Variants in SESN1 observed in about 807,000 individuals in gnomAD.
SESN1 encodes the protein sestrin-1.
A neutral mutation model predicts 59.3 loss-of-function variants in SESN1; 30 were observed. The observed-to-expected ratio is 0.51, with a 90% CI of 0.38 to 0.69. The LOEUF is 0.69. Ranked by LOEUF, SESN1 falls within the 30% of genes least tolerant of loss-of-function variation. SESN1 has a pLI of 0.00. For synonymous variants in SESN1, 197 were observed against 219.9 expected (o/e 0.90, Z 0.92); for missense variants, 566 against 673.0 (o/e 0.84, Z 1.76).
chr6:109,025,343 G>A (rs1411287839), intron 1 of SESN1, among the ~76,000 whole-genome samples: 1 of 151,768 alleles, frequency 6.6e-6, no homozygotes, highest in Non-Finnish European at 1.5e-5. Context: ...TTAGTATAAA[G>A]TGGGCTGGTT....
intron 1 of SESN1, among the ~76,000 whole-genome samples, chr6:109,080,410 A>G (rs896093460): frequency 3.3e-5 from 5 of 152,184 alleles, no homozygotes; most frequent in South Asian, 4.1e-4. Flanking sequence ...TTTATACACC[A>G]TATTTCCAGG....
intron 1 of SESN1, among the ~76,000 whole-genome samples, chr6:109,020,852 G>C (rs949940784): frequency 6.6e-6 from 1 of 152,110 alleles, no homozygotes. Context: ...TATTTTCTGT[G>C]ACTATCATCA....
In SESN1 at chr6:109,001,640, A is replaced by C. The variant is rs1779627875; in HGVS notation, c.346-152T>G. ...ACAAATTTAAACTCAACTGGTTGAA[A>C]GATACAGAAGAATAAACAGTTACAT... On this transcript the variant is annotated intron_variant, in intron 2 of 9. Transcript: ENST00000436639. The C allele has an allele frequency of 3.0e-5, 20 of 676,444 alleles. No individual in the cohort carries two copies. In the South Asian group the frequency reaches 3.9e-4, roughly 13 times the overall value. 41.9% of individuals were successfully genotyped at this position (676,444 alleles called of 1,614,324 possible).
chr6:109,032,429 C>T (rs1780195584), intron 1 of SESN1, among the ~76,000 whole-genome samples: 2 of 151,982 alleles, frequency 1.3e-5, no homozygotes, highest in Non-Finnish European at 2.9e-5. Flanking sequence ...CCAGCCTGGC[C>T]AACATAGTGA....
At chr6:109,026,996 C>G (rs1157923303) in intron 1 of SESN1, among the ~76,000 whole-genome samples, 5 of 151,876 alleles carry the variant, frequency 3.3e-5, no homozygotes, top group East Asian at 3.9e-4. Flanking sequence ...ACAGTGAAAC[C>G]CTGTCTCTAC....
chr6:109,018,509 A>C (rs1660673577), intron 1 of SESN1, among the ~76,000 whole-genome samples: 1 of 152,232 alleles, frequency 6.6e-6, no homozygotes, highest in Admixed American at 6.5e-5. Context: ...GGAGAGGCTC[A>C]GGCACATTTG....
At chr6:109,049,459 G>A (rs897855706) in intron 1 of SESN1, among the ~76,000 whole-genome samples, 5 of 152,136 alleles carry the variant, frequency 3.3e-5, no homozygotes, top group African/African-American at 9.6e-5. Context: ...ATAAGTTCTA[G>A]TGTTCCATAG....
intron 1 of SESN1, among the ~76,000 whole-genome samples, chr6:109,046,185 A>T (rs1583285307): frequency 6.9e-6 from 1 of 145,908 alleles, no homozygotes; most frequent in Admixed American, 6.8e-5. Context: ...GCTCACTGCA[A>T]CCTCCCTGCC....
chr6:109,062,642 C>A (rs1033566109), intron 1 of SESN1, among the ~76,000 whole-genome samples: 1 of 152,180 alleles, frequency 6.6e-6, no homozygotes, highest in Non-Finnish European at 1.5e-5. Flanking sequence ...TGTATTAAAA[C>A]ATGAATTCAT....
chr6:109,050,184 G>A (rs1231785998), intron 1 of SESN1, among the ~76,000 whole-genome samples: 2 of 152,080 alleles, frequency 1.3e-5, no homozygotes, highest in African/African-American at 4.8e-5. Context: ...ATGGAAGGGA[G>A]GAACTTCAAA....
At chr6:109,039,106 A>G (rs184423021) in intron 1 of SESN1, among the ~76,000 whole-genome samples, 2 of 148,426 alleles carry the variant, frequency 1.3e-5, no homozygotes, top group Admixed American at 6.7e-5. Context: ...GAGGGAGGAG[A>G]AGGAGAAGGA....
At chr6:109,033,626 T>C (rs1020911871) in intron 1 of SESN1, among the ~76,000 whole-genome samples, 7 of 152,150 alleles carry the variant, frequency 4.6e-5, no homozygotes, top group Non-Finnish European at 8.8e-5. Context: ...CAGCACATTA[T>C]TTTATCTCCT....
Position 109,001,316 on chromosome 6 carries a change from A to AAC in SESN1, c.517_518insGT (p.Leu173ArgfsTer10). ...TATTCCAATGTAGTGACGATAATGT[A>AAC]GGGGTAACGGCCCATCCATTTGCAG... is the stretch of plus-strand genomic sequence containing the variant. On this transcript the variant is annotated frameshift_variant, in exon 3 of 10. Coordinates refer to ENST00000436639, the MANE Select transcript of SESN1 (RefSeq NM_014454.3). LOFTEE classifies it high-confidence loss of function. 1 of 1,613,774 alleles carries AAC rather than the reference A, an allele frequency of 6.2e-7. No individual in the cohort carries two copies. Among genetic ancestry groups the AAC allele is most frequent in the Non-Finnish European group, 8.5e-7 (1 of 1,179,708 alleles).
chr6:109,010,104 A>G (rs531029020), intron 1 of SESN1, among the ~76,000 whole-genome samples: 6 of 152,340 alleles, frequency 3.9e-5, no homozygotes, highest in African/African-American at 1.4e-4. Flanking sequence ...TCCCCTACAC[A>G]GATAATAAAC....
intron 1 of SESN1, among the ~76,000 whole-genome samples, chr6:109,067,851 C>A (rs1780860992): frequency 1.3e-5 from 2 of 152,182 alleles, no homozygotes; most frequent in African/African-American, 4.8e-5. Context: ...CCTACTCTAC[C>A]CTGTTTTGTG....
At chr6:109,071,830 C>T (rs2114466586) in intron 1 of SESN1, among the ~76,000 whole-genome samples, 1 of 152,280 alleles carries the variant, frequency 6.6e-6, no homozygotes, top group Non-Finnish European at 1.5e-5. Flanking sequence ...CAGTTTCAAT[C>T]ACTTCAATTT....
chr6:109,066,882 C>T (rs975094106), intron 1 of SESN1, among the ~76,000 whole-genome samples: 1 of 125,890 alleles, frequency 7.9e-6, no homozygotes, highest in Non-Finnish European at 1.7e-5. Context: ...GTACAGCAAA[C>T]GTTGAAGTAA....
At position 108,992,889 on chromosome 6, in the gene SESN1, T is replaced by G; in HGVS notation, c.1131A>C (p.Glu377Asp). The G allele has an allele frequency of 6.2e-7, 1 of 1,602,526 alleles. No individual in the cohort carries two copies. The highest frequency in any genetic ancestry group is 1.1e-5 in the South Asian group (1 of 90,156). Reference sequence around the variant, plus strand: ...GAGATACAGCTCTTGCTGGTGTAACTTCTTCATCATCTGGGAAAAAAGGCC... The same window carrying G: ...GAGATACAGCTCTTGCTGGTGTAACGTCTTCATCATCTGGGAAAAAAGGCC... The part of the protein sequence containing the change: ...SMFVFSSDDE[E>D]VTPARAVSRH... Residue 377 changes from glutamate to aspartate, a missense_variant, in exon 7 of 10, where the codon GAA becomes GAC. By Grantham distance (45) the Glu-to-Asp change is conservative (BLOSUM62 2). Coordinates refer to ENST00000436639, the MANE Select transcript of SESN1 (RefSeq NM_014454.3).
At chr6:109,062,118 A>C (rs2114455662) in intron 1 of SESN1, among the ~76,000 whole-genome samples, 1 of 152,292 alleles carries the variant, frequency 6.6e-6, no homozygotes, top group South Asian at 2.1e-4. Context: ...TTGAACTCCT[A>C]GTCTCAAGCC....
Sources: gnomAD v4.1 joint callset for allele counts (sites outside exome capture counted in the v4.1 genomes callset) on GRCh38, gnomAD v4.1.1 for gene constraint, MANE v1.5 for transcripts, NCBI Gene and HGNC (gene_info 2026-07-23, HGNC 2026-07-21) for gene names.